The following ETS1 variants were observed in gnomAD, a reference collection of about 807,000 sequenced individuals.
ETS1 encodes protein C-ets-1.
In ETS1, 15 loss-of-function variants were observed where a neutral mutation model predicts 58.6. The ratio of observed to expected loss-of-function variants is 0.26; its 90% confidence interval spans 0.17 to 0.39. The LOEUF (loss-of-function observed/expected upper bound fraction) is 0.39. ETS1 is among the 10% of genes least tolerant of loss of function. The pLI, the probability that ETS1 is intolerant of heterozygous loss-of-function variation, is 1.00. For missense variants in ETS1, 417 were observed against 610.5 expected (o/e 0.68, Z 3.34); for synonymous variants, 214 against 218.2 (o/e 0.98, Z 0.17).
intron 8 of ETS1, among the ~76,000 whole-genome samples, chr11:128,468,694 C>T (rs2135418345): frequency 6.6e-6 from 1 of 152,296 alleles, no homozygotes; most frequent in Non-Finnish European, 1.5e-5. Context: ...CTCATATTTC[C>T]ATAGTACATG....
At chr11:128,583,960 T>C (rs1479811295) in intron 1 of ETS1, among the ~76,000 whole-genome samples, 1 of 152,222 alleles carries the variant, frequency 6.6e-6, no homozygotes, top group Non-Finnish European at 1.5e-5. Flanking sequence ...TCCCAAAGCA[T>C]GTATAGGTTA....
At chr11:128,498,233 T>C (rs148403823) in intron 3 of ETS1, among the ~76,000 whole-genome samples, 1 of 152,262 alleles carries the variant, frequency 6.6e-6, no homozygotes, top group African/African-American at 2.4e-5. Context: ...CTGAAAAGCA[T>C]CTTATAAAAT....
At chr11:128,521,886 G>C in intron 3 of ETS1, 1 of 1,577,668 alleles carries the variant, frequency 6.3e-7, no homozygotes. Flanking sequence ...GAGAGCTTGG[G>C]TGGGGGCCTC....
chr11:128,566,716 G>A (rs1479099720), intron 2 of ETS1, among the ~76,000 whole-genome samples: 2 of 151,608 alleles, frequency 1.3e-5, no homozygotes, highest in East Asian at 1.9e-4. Context: ...CTGGGGGGCA[G>A]AGCCTGCTGT....
intron 1 of ETS1, among the ~76,000 whole-genome samples, chr11:128,584,826 C>T (rs1023125913): frequency 2.0e-5 from 3 of 147,662 alleles, no homozygotes; most frequent in Non-Finnish European, 4.5e-5. Context: ...AATACTTTAT[C>T]ATTTCCATAA....
chr11:128,518,677 G>A (rs1047520093), intron 3 of ETS1, among the ~76,000 whole-genome samples: 12 of 152,178 alleles, frequency 7.9e-5, no homozygotes, highest in African/African-American at 2.9e-4. Flanking sequence ...GCGGGGATCT[G>A]GGAGCACAGT....
intron 3 of ETS1, among the ~76,000 whole-genome samples, chr11:128,528,406 T>C (rs1050401128): frequency 6.6e-6 from 1 of 152,138 alleles, no homozygotes; most frequent in Non-Finnish European, 1.5e-5. Context: ...CTCAGTCTTT[T>C]CCTCACATGG....
intron 3 of ETS1, among the ~76,000 whole-genome samples, chr11:128,505,557 T>A (rs941821174): frequency 2.6e-5 from 4 of 152,188 alleles, no homozygotes; most frequent in African/African-American, 9.7e-5. Context: ...TTGTTCCTGC[T>A]GCTGCCCCAG....
intron 3 of ETS1, among the ~76,000 whole-genome samples, chr11:128,547,600 C>A (rs1864151427): frequency 1.3e-5 from 2 of 151,904 alleles, no homozygotes. Context: ...ATGGAAAAGA[C>A]TGATGACACA....
At chr11:128,544,859 C>A (rs565730253) in intron 3 of ETS1, among the ~76,000 whole-genome samples, 21 of 152,280 alleles carry the variant, frequency 1.4e-4, no homozygotes, top group African/African-American at 4.3e-4. Context: ...AAGCAGCTTC[C>A]CCACAATTAG....
chr11:128,497,083 G>A (rs1202971558), intron 3 of ETS1, among the ~76,000 whole-genome samples: 1 of 152,152 alleles, frequency 6.6e-6, no homozygotes, highest in Non-Finnish European at 1.5e-5. Context: ...ATACAACTGG[G>A]TTTCTGAACT....
chr11:128,514,090 G>C (rs1387082682), intron 3 of ETS1, among the ~76,000 whole-genome samples: 1 of 152,076 alleles, frequency 6.6e-6, no homozygotes, highest in Non-Finnish European at 1.5e-5. Context: ...ACACTCACCA[G>C]GCTTAGCAGA....
At chr11:128,551,884 T>C (rs1864234904) in intron 3 of ETS1, among the ~76,000 whole-genome samples, 1 of 152,154 alleles carries the variant, frequency 6.6e-6, no homozygotes, top group Non-Finnish European at 1.5e-5. Flanking sequence ...GTGTGATCTC[T>C]AGACCAGCAG....
rs1032854472 is a variant in ETS1 at position 128,464,899 on chromosome 11, C to T, written c.1124-1272G>A. 2.0e-5 allele frequency among the ~76,000 whole-genome samples: 3 copies of T among 152,192 alleles called. No homozygotes were observed. Among genetic ancestry groups the T allele is most frequent in the African/African-American group, 7.2e-5 (3 of 41,446 alleles). ...TTGCTCCTAAAATCCACACCCAACC[C>T]TCTGCTGTAAGGAGAGGCACAAGTG... On this transcript the variant is annotated intron_variant, in intron 8 of 9. Transcript: ENST00000392668. The surrounding 1 kb of genome is among the most constrained non-coding windows in gnomAD (Gnocchi z 4.1).
chr11:128,464,674 C>T lies in ETS1; in HGVS notation c.1124-1047G>A, dbSNP rs1240783652. On this transcript the variant is annotated intron_variant, in intron 8 of 9. Coordinates refer to ENST00000392668, the MANE Select transcript of ETS1 (RefSeq NM_001143820.2). This position sits in a 1 kb window ranked among gnomAD's most constrained non-coding sequence, Gnocchi z 4.1. The stretch of plus-strand genomic sequence containing the variant: ...ACAGCCCAGGAAGCACCAGCTCCTA[C>T]AGGAAAGCTTTGCTCACTAAGGCTC... Among the ~76,000 whole-genome samples, 1 of 152,198 alleles carries T rather than the reference C, an allele frequency of 6.6e-6. No individual in the cohort carries two copies. The highest frequency in any genetic ancestry group is 1.5e-5 in the Non-Finnish European group (1 of 68,040).
At chr11:128,526,269 C>T (rs2135525698) in intron 3 of ETS1, 1 of 152,878 alleles carries the variant, frequency 6.5e-6, no homozygotes, top group South Asian at 2.1e-4. Flanking sequence ...GAATAAGACT[C>T]AGGTTCAAAT....
rs1864311549 is a variant in ETS1, at chr11:128,556,309, G to A, written c.196C>T (p.Leu66Phe). 1.2e-6 allele frequency: 2 copies of A among 1,612,682 alleles called. No individual in the cohort carries two copies. Among genetic ancestry groups the A allele is most frequent in the African/African-American group, 1.3e-5 (1 of 74,862 alleles). The change falls in exon 3 of 10, where the codon CTT (leucine) becomes TTT (phenylalanine). Residue 66 changes from leucine to phenylalanine, a missense_variant. By Grantham distance (22) the Leu-to-Phe change is conservative (BLOSUM62 0). Coordinates refer to ENST00000392668, the MANE Select transcript of ETS1 (RefSeq NM_001143820.2). ...EMATQEVPTG[L>F]EHCVSDMECA... Reference sequence around the variant, plus strand: ...TTCCTACCTGAGACACAGTGTTCAAGACCAGTAGGAACTTCCTGAGTTGCC... The same window carrying A: ...TTCCTACCTGAGACACAGTGTTCAAAACCAGTAGGAACTTCCTGAGTTGCC...
At chr11:128,492,581 CA>C (rs1862830741) in intron 3 of ETS1, among the ~76,000 whole-genome samples, 1 of 150,354 alleles carries the variant, frequency 6.7e-6, no homozygotes, top group African/African-American at 2.5e-5. Context: ...GGAAGGTTAA[CA>C]AAATGATGGA....
chr11:128,466,518 A>G (rs998362538), intron 8 of ETS1, among the ~76,000 whole-genome samples: 4 of 152,146 alleles, frequency 2.6e-5, no homozygotes, highest in Non-Finnish European at 4.4e-5. Context: ...CTCTGACGGA[A>G]TGGTTAGTTT....
Sources: gnomAD v4.1 joint callset for allele counts (sites outside exome capture counted in the v4.1 genomes callset) on GRCh38, gnomAD v4.1.1 for gene constraint, Gnocchi (gnomAD v3.1) non-coding constraint, MANE v1.5 for transcripts, NCBI Gene and HGNC (gene_info 2026-07-23, HGNC 2026-07-21) for gene names.